Variants in CPNE8 observed in about 807,000 individuals in gnomAD.
The protein encoded by CPNE8 is copine 8, also known as copine-8.
In CPNE8, 45 loss-of-function variants were observed where a neutral mutation model predicts 81.5. That is an observed-to-expected ratio of 0.55 (90% confidence interval 0.44 to 0.71). CPNE8 has a LOEUF of 0.71. CPNE8 is among the 30% of genes least tolerant of loss of function. The probability of loss-of-function intolerance (pLI) is 0.00; values close to 1 mark genes in which losing one functional copy is unlikely to be tolerated. For missense variants in CPNE8, 594 were observed against 672.1 expected, an observed-to-expected ratio of 0.88 and a Z score of 1.28; for synonymous variants, 252 against 226.3, an observed-to-expected ratio of 1.11 and a Z score of -1.02.
At chr12:38,867,339 TGAGAGAGA>T (rs367740036) in intron 3 of CPNE8, among the ~76,000 whole-genome samples, 30 of 122,094 alleles carry the variant, frequency 2.5e-4, no homozygotes, top group African/African-American at 7.0e-4. Flanking sequence ...TGTGTGTGTG[TGAGAGAGA>T]GAGAGAGAGA....
intron 3 of CPNE8, among the ~76,000 whole-genome samples, chr12:38,860,870 A>G (rs1429801784): frequency 6.6e-6 from 1 of 152,216 alleles, no homozygotes; most frequent in African/African-American, 2.4e-5. Context: ...AGAATTAGTC[A>G]AAGGGTATTA....
At chr12:38,692,989 A>C (rs2136672205) in intron 15 of CPNE8, among the ~76,000 whole-genome samples, 1 of 152,294 alleles carries the variant, frequency 6.6e-6, no homozygotes, top group South Asian at 2.1e-4. Context: ...AAATCTTGCT[A>C]CAGTGAGACC....
At chr12:38,656,037 G>C (rs7974698) in intron 19 of CPNE8, among the ~76,000 whole-genome samples, 1 of 150,418 alleles carries the variant, frequency 6.6e-6, no homozygotes, top group East Asian at 2.0e-4. Flanking sequence ...TAGAACTTTT[G>C]TGAAGTGTTT....
chr12:38,766,938 G>A (rs754418761), intron 8 of CPNE8, among the ~76,000 whole-genome samples: 1 of 151,946 alleles, frequency 6.6e-6, no homozygotes, highest in Non-Finnish European at 1.5e-5. Flanking sequence ...AGGAGAAAAC[G>A]GAATCTCACA....
At chr12:38,698,890 T>A (rs1939862385) in intron 14 of CPNE8, among the ~76,000 whole-genome samples, 1 of 152,236 alleles carries the variant, frequency 6.6e-6, no homozygotes, top group Non-Finnish European at 1.5e-5. Context: ...TCCTTTGCAA[T>A]TTCATATTAA....
At position 38,818,920 on chromosome 12, in the gene CPNE8, A is replaced by G. The variant is rs1943069703; in HGVS notation, c.407+10459T>C. On this transcript the variant is annotated intron_variant, in intron 6 of 19. Transcript: ENST00000331366. ...TTTTTTTCATATGTTTGTTGGCCGC[A>G]TAAGTGTCTTCTTTTGAGAAGTGTC... 2.0e-5 allele frequency among the ~76,000 whole-genome samples: 3 copies of G among 152,216 alleles called. No individual in the cohort carries two copies. In the South Asian group the frequency reaches 6.2e-4, roughly 32 times the overall value.
chr12:38,666,887 T>C (rs1939067619), intron 19 of CPNE8, among the ~76,000 whole-genome samples: 1 of 152,174 alleles, frequency 6.6e-6, no homozygotes, highest in South Asian at 2.1e-4. Flanking sequence ...ATGTCCTTTT[T>C]TGTAAAATGC....
chr12:38,677,622 T>C (rs1939320429), intron 16 of CPNE8, 68 bp from the exon 17 acceptor site: 1 of 843,180 alleles, frequency 1.2e-6, no homozygotes, highest in African/African-American at 1.7e-5. Flanking sequence ...TAAATACAAT[T>C]TGGAATAGTT....
upstream of CPNE8, chr12:38,906,535 A>T (rs1944574141): frequency 1.2e-5 from 12 of 985,778 alleles, no homozygotes; most frequent in African/African-American, 1.7e-5. Context: ...TGATGTCACA[A>T]CCATATAACG....
intron 6 of CPNE8, among the ~76,000 whole-genome samples, chr12:38,809,980 C>A (rs1358431492): frequency 6.6e-6 from 1 of 152,194 alleles, no homozygotes; most frequent in Non-Finnish European, 1.5e-5. Flanking sequence ...TCCAGCTGAG[C>A]AAACTCTATG....
At chr12:38,745,389 G>A (rs537740816) in intron 10 of CPNE8, among the ~76,000 whole-genome samples, 6 of 152,240 alleles carry the variant, frequency 3.9e-5, no homozygotes, top group African/African-American at 1.2e-4. Context: ...CTGGTATTTT[G>A]TTCCTGGAAT....
At chr12:38,801,105 T>A (rs1351925140) in intron 6 of CPNE8, among the ~76,000 whole-genome samples, 1 of 124,030 alleles carries the variant, frequency 8.1e-6, no homozygotes, top group Non-Finnish European at 1.7e-5. Flanking sequence ...CCAGGAGAAC[T>A]TCCCCAATCT....
chr12:38,882,944 C>T (rs1944183090), intron 1 of CPNE8, among the ~76,000 whole-genome samples: 2 of 152,146 alleles, frequency 1.3e-5, no homozygotes, highest in South Asian at 4.1e-4. Context: ...ATGAGAATTC[C>T]TCTTTCAGCC....
intron 1 of CPNE8, among the ~76,000 whole-genome samples, chr12:38,900,798 A>T (rs140049435): frequency 1.8e-4 from 28 of 152,322 alleles, no homozygotes; most frequent in Admixed American, 1.6e-3. Flanking sequence ...TGCTGGGTTC[A>T]TGCAAGGAGT....
chr12:38,881,182 C>T (rs149327950), intron 1 of CPNE8, among the ~76,000 whole-genome samples: 7,585 of 149,998 alleles, frequency 0.051, 626 homozygotes, highest in African/African-American at 0.17. Context: ...TGCACTCCAG[C>T]CTGGCGGACA....
At chr12:38,707,220 G>A (rs1429121141) in intron 13 of CPNE8, among the ~76,000 whole-genome samples, 1 of 152,048 alleles carries the variant, frequency 6.6e-6, no homozygotes, top group Non-Finnish European at 1.5e-5. Context: ...AGGCTGAGGT[G>A]TGATGATCTC....
chr12:38,775,693 A>C (rs920359760), intron 7 of CPNE8, among the ~76,000 whole-genome samples: 4 of 152,194 alleles, frequency 2.6e-5, no homozygotes, highest in Non-Finnish European at 1.5e-5. Context: ...GCAATGTTCT[A>C]AAAATACAGA....
At chr12:38,862,809 C>T (rs1461022589) in intron 3 of CPNE8, among the ~76,000 whole-genome samples, 1 of 152,094 alleles carries the variant, frequency 6.6e-6, no homozygotes, top group Admixed American at 6.6e-5. Context: ...ATGAGTCAGG[C>T]CTGGTGGCAC....
intron 13 of CPNE8, among the ~76,000 whole-genome samples, chr12:38,709,057 G>C (rs749729997): frequency 1.4e-4 from 22 of 152,112 alleles, no homozygotes; most frequent in Non-Finnish European, 2.8e-4. Flanking sequence ...AAATGTAGTT[G>C]GGATGCCCAC....
Sources: gnomAD v4.1 joint callset for allele counts (sites outside exome capture counted in the v4.1 genomes callset) on GRCh38, gnomAD v4.1.1 for gene constraint, MANE v1.5 for transcripts, NCBI Gene and HGNC (gene_info 2026-07-23, HGNC 2026-07-21) for gene names.